SLC9B1: variants seen among roughly 807,000 people sequenced by gnomAD.
SLC9B1 encodes the protein solute carrier family 9 member B1, also known as sodium/hydrogen exchanger 9B1.
SLC9B1 carries 32 observed loss-of-function variants against 51.7 expected under a neutral mutation model. The observed-to-expected ratio is 0.62, with a 90% CI of 0.47 to 0.83. The LOEUF (loss-of-function observed/expected upper bound fraction) is 0.83, where lower values mean the gene tolerates loss of function less well. SLC9B1 is among the 40% of genes least tolerant of loss of function. The pLI, the probability that SLC9B1 is intolerant of heterozygous loss-of-function variation, is 0.00. For synonymous variants in SLC9B1, 145 were observed against 212.7 expected (o/e 0.68, Z 2.77); for missense variants, 406 against 613.2 (o/e 0.66, Z 3.57).
In SLC9B1 at chr4:102,926,137, A is replaced by T. The variant is rs559921240; in HGVS notation, c.829+5987T>A. 5.5e-4 allele frequency among the ~76,000 whole-genome samples: 84 copies of T among 152,418 alleles called. No homozygotes were observed. In the South Asian group the frequency reaches 0.017, roughly 31 times the overall value. On this transcript the variant is annotated intron_variant, in intron 7 of 11. Transcript: ENST00000296422. The stretch of plus-strand genomic sequence containing the variant: ...TATTTATGACAAACCCACAGCCAAT[A>T]TCATACTGAATGGGCAAAAACTGGA...
At chr4:102,891,121 TA>T (rs1734227511) in intron 11 of SLC9B1, 1 of 151,410 alleles carries the variant, frequency 6.6e-6, no homozygotes, top group Non-Finnish European at 1.5e-5. Flanking sequence ...TTCCCTCTGT[TA>T]AACTAATATC....
chr4:102,933,912 CA>C (rs1289963214), intron 6 of SLC9B1, among the ~76,000 whole-genome samples: 1 of 152,008 alleles, frequency 6.6e-6, no homozygotes, highest in Non-Finnish European at 1.5e-5. Context: ...TCAATTTTAC[CA>C]TCGCCCAACA....
intron 3 of SLC9B1, among the ~76,000 whole-genome samples, chr4:102,968,322 G>A (rs1014307439): frequency 1.3e-5 from 2 of 152,106 alleles, no homozygotes; most frequent in Admixed American, 1.3e-4. Context: ...TAGATCCTTA[G>A]GTCATATGCA....
chr4:103,019,065 T>G (rs1489379845), intron 1 of SLC9B1, among the ~76,000 whole-genome samples: 1 of 152,068 alleles, frequency 6.6e-6, no homozygotes, highest in African/African-American at 2.4e-5. Flanking sequence ...ATGAAACTGA[T>G]CCCTGGTGCC....
intron 3 of SLC9B1, among the ~76,000 whole-genome samples, chr4:102,965,454 C>G (rs1738372365): frequency 6.6e-6 from 1 of 152,176 alleles, no homozygotes; most frequent in East Asian, 1.9e-4. Flanking sequence ...CCCACAGGAA[C>G]CAATCCAGTT....
chr4:102,928,887 A>C (rs1490063839), intron 7 of SLC9B1, among the ~76,000 whole-genome samples: 8 of 152,128 alleles, frequency 5.3e-5, no homozygotes, highest in Non-Finnish European at 1.2e-4. Context: ...AAGCCAAAGA[A>C]CCTGGAGTCT....
At chr4:102,905,979 A>AGGG (rs1214030421) in intron 10 of SLC9B1, among the ~76,000 whole-genome samples, 2 of 152,136 alleles carry the variant, frequency 1.3e-5, no homozygotes, top group East Asian at 3.8e-4. Flanking sequence ...TCTGTCACCC[A>AGGG]GGCTGGAGTG....
chr4:102,919,896 C>A (rs377261547), intron 7 of SLC9B1, among the ~76,000 whole-genome samples: 1 of 152,204 alleles, frequency 6.6e-6, no homozygotes, highest in African/African-American at 2.4e-5. Context: ...GTAAACAAAG[C>A]GGCTGGGAAG....
intron 7 of SLC9B1, among the ~76,000 whole-genome samples, chr4:102,929,460 T>C (rs1486048110): frequency 6.6e-6 from 1 of 152,244 alleles, no homozygotes; most frequent in Non-Finnish European, 1.5e-5. Context: ...CAATAAAAGC[T>C]AATGTTGTTG....
At chr4:102,947,369 T>G (rs1251071798) in intron 4 of SLC9B1, among the ~76,000 whole-genome samples, 2 of 152,202 alleles carry the variant, frequency 1.3e-5, no homozygotes, top group Admixed American at 1.3e-4. Context: ...CTACTGACAG[T>G]GTACTGAATA....
chr4:102,887,942 T>G (rs2110404768), intron 11 of SLC9B1: 1 of 154,352 alleles, frequency 6.5e-6, no homozygotes, highest in Middle Eastern at 3.4e-3. Context: ...TGTTGTGTAT[T>G]TAATATGAAT....
intron 6 of SLC9B1, among the ~76,000 whole-genome samples, chr4:102,934,027 T>C (rs893813289): frequency 6.6e-6 from 1 of 152,176 alleles, no homozygotes; most frequent in African/African-American, 2.4e-5. Context: ...CACCTTGGCC[T>C]CCCAAAGTGC....
chr4:102,967,100 C>G (rs941658349), intron 3 of SLC9B1, among the ~76,000 whole-genome samples: 1 of 152,220 alleles, frequency 6.6e-6, no homozygotes, highest in Non-Finnish European at 1.5e-5. Flanking sequence ...TATCTGAGAT[C>G]TCATTAGAAT....
intron 6 of SLC9B1, among the ~76,000 whole-genome samples, chr4:102,936,853 C>T (rs1346380823): frequency 6.6e-6 from 1 of 152,086 alleles, no homozygotes; most frequent in Non-Finnish European, 1.5e-5. Context: ...AAAAATTTCC[C>T]AAATCTTGCT....
At chr4:102,987,573 T>G (rs181954875) in intron 3 of SLC9B1, among the ~76,000 whole-genome samples, 2,403 of 152,050 alleles carry the variant, frequency 0.016, 22 homozygotes, top group Non-Finnish European at 0.023. Flanking sequence ...AATTTTTTTT[T>G]GGGGGGCAGA....
At chr4:103,017,639 T>A (rs948126306) in intron 1 of SLC9B1, among the ~76,000 whole-genome samples, 42 of 152,192 alleles carry the variant, frequency 2.8e-4, no homozygotes, top group African/African-American at 9.9e-4. Context: ...GGTTGGTTTT[T>A]AAAAATATCA....
chr4:102,997,944 TAATAATA>T (rs1405671212), intron 1 of SLC9B1, among the ~76,000 whole-genome samples: 3 of 152,184 alleles, frequency 2.0e-5, no homozygotes, highest in African/African-American at 7.2e-5. Flanking sequence ...CCTTTGATAA[TAATAATA>T]TCTTTTTTAC....
At chr4:102,925,033 C>T (rs1160104156) in intron 7 of SLC9B1, among the ~76,000 whole-genome samples, 3 of 152,074 alleles carry the variant, frequency 2.0e-5, no homozygotes, top group Non-Finnish European at 4.4e-5. Context: ...AATACCATTT[C>T]ACCCAGCCAT....
chr4:102,920,565 G>A lies in SLC9B1; in HGVS notation c.830-9028C>T, dbSNP rs1183418063. On this transcript the variant is annotated intron_variant, in intron 7 of 11. Coordinates refer to ENST00000296422, the MANE Select transcript of SLC9B1 (RefSeq NM_139173.4). ...AAGCTGGATGGAGAATGACTTTGAC[G>A]AGTTGACAGAAGTAGGCTTCAGAAG... is the stretch of plus-strand genomic sequence containing the variant. Among the ~76,000 whole-genome samples the A allele has an allele frequency of 5.3e-5, 8 of 152,188 alleles. No homozygotes were observed. The South Asian group carries it at 1.0e-3, about 20-fold the overall frequency.
Sources: allele counts gnomAD v4.1 joint callset (sites outside exome capture counted in the v4.1 genomes callset), GRCh38; gene constraint gnomAD v4.1.1; transcripts MANE v1.5; gene names NCBI Gene and HGNC (gene_info 2026-07-23, HGNC 2026-07-21).